Variants in LCORL observed in about 807,000 individuals in gnomAD.
LCORL encodes the protein ligand-dependent nuclear receptor corepressor-like protein.
In LCORL, 41 loss-of-function variants were observed where a neutral mutation model predicts 141.8. The ratio of observed to expected loss-of-function variants is 0.29; its 90% CI spans 0.23 to 0.38. The LOEUF (loss-of-function observed/expected upper bound fraction) is 0.38. LCORL is among the 10% of genes least tolerant of loss of function. The pLI is 1.00. For missense variants in LCORL, 1,759 were observed against 2,035.0 expected (o/e 0.86, Z 2.61); for synonymous variants, 618 against 694.1 (o/e 0.89, Z 1.72).
chr4:17,920,105 A>C (rs1734053267), intron 4 of LCORL, among the ~76,000 whole-genome samples: 1 of 152,212 alleles, frequency 6.6e-6, no homozygotes, highest in African/African-American at 2.4e-5. Context: ...TCTATGAGCC[A>C]TTCCAGCAAA....
chr4:17,881,063 T>C, intron 6 of LCORL: 1 of 980,598 alleles, frequency 1.0e-6, no homozygotes, highest in Non-Finnish European at 1.2e-6. Context: ...GTATACAATT[T>C]AATATAAAAT....
At chr4:17,934,966 A>C (rs537081916) in intron 4 of LCORL, among the ~76,000 whole-genome samples, 1 of 152,306 alleles carries the variant, frequency 6.6e-6, no homozygotes, top group Non-Finnish European at 1.5e-5. Context: ...CCACTATGTA[A>C]CTAACTGCCC....
chr4:18,020,140 T>C (rs1305365809), intron 1 of LCORL, among the ~76,000 whole-genome samples: 1 of 152,222 alleles, frequency 6.6e-6, no homozygotes, highest in Non-Finnish European at 1.5e-5. Flanking sequence ...CATTTTCCTA[T>C]ATTCATCGCG....
intron 4 of LCORL, among the ~76,000 whole-genome samples, chr4:17,933,063 T>C (rs1736299575): frequency 6.6e-6 from 1 of 152,200 alleles, no homozygotes; most frequent in African/African-American, 2.4e-5. Context: ...GATTTTTATC[T>C]TTGTGACTTA....
intron 4 of LCORL, among the ~76,000 whole-genome samples, chr4:17,915,689 C>T (rs139952479): frequency 6.6e-6 from 1 of 152,294 alleles, no homozygotes; most frequent in African/African-American, 2.4e-5. Flanking sequence ...AGTTTCACAA[C>T]ACTATTATCT....
intron 2 of LCORL, among the ~76,000 whole-genome samples, chr4:17,967,862 T>G (rs1715213503): frequency 6.6e-6 from 1 of 151,802 alleles, no homozygotes; most frequent in African/African-American, 2.4e-5. Context: ...TTTTCTTTTC[T>G]TTTCTTTTTT....
intron 7 of LCORL, among the ~76,000 whole-genome samples, chr4:17,872,213 ACTC>A (rs1357453126): frequency 6.6e-5 from 10 of 151,980 alleles, no homozygotes; most frequent in African/African-American, 2.4e-4. Context: ...GTACTTCCAT[ACTC>A]CTCAATATCC....
intron 4 of LCORL, among the ~76,000 whole-genome samples, chr4:17,959,084 T>C (rs1182191984): frequency 6.6e-6 from 1 of 152,092 alleles, no homozygotes. Context: ...ATTTAAGTAA[T>C]ACGCTTCTTC....
chr4:17,991,822 T>C (rs927762715), intron 1 of LCORL, among the ~76,000 whole-genome samples: 21 of 152,274 alleles, frequency 1.4e-4, no homozygotes, highest in Non-Finnish European at 2.9e-5. Flanking sequence ...TCAAATATTT[T>C]CTAATACCCG....
intron 1 of LCORL, among the ~76,000 whole-genome samples, chr4:17,973,856 G>C (rs756475093): frequency 6.6e-5 from 10 of 151,778 alleles, no homozygotes; most frequent in Non-Finnish European, 1.5e-4. Context: ...TAAAAAACTA[G>C]CCACAGTTTT....
exon 7 of LCORL, chr4:17,876,360 T>C: frequency 8.1e-7 from 1 of 1,230,916 alleles, no homozygotes. Flanking sequence ...CATATTTCTG[T>C]CAGCATGTTG....
chr4:18,021,704 G>GGCAGCA lies in LCORL; in HGVS notation c.42_47dup (p.Ala21_Ala22dup). Reference sequence around the variant, plus strand: ...GGCACTGAGCGGCGGCGGCGGCGGCGGCAGCAGCGGCGGCGGCAGCGGCCA... The same window carrying GGCAGCA: ...GGCACTGAGCGGCGGCGGCGGCGGCGGCAGCAGCAGCAGCGGCGGCGGCAGCGGCCA... On this transcript the variant is annotated inframe_insertion, in exon 1 of 8. Coordinates refer to ENST00000635767, the Ensembl canonical transcript of LCORL. This position sits in a 1 kb window ranked among gnomAD's most constrained non-coding sequence, Gnocchi z 5.5. 1 of 1,525,134 alleles carries GGCAGCA rather than the reference G, an allele frequency of 6.6e-7. No individual in the cohort carries two copies. Among genetic ancestry groups the GGCAGCA allele is most frequent in the South Asian group, 1.2e-5 (1 of 81,388 alleles). 94.5% of individuals were successfully genotyped at this position (1,525,134 alleles called of 1,614,324 possible).
intron 4 of LCORL, among the ~76,000 whole-genome samples, chr4:17,941,243 G>T (rs759015878): frequency 1.3e-5 from 2 of 152,112 alleles, no homozygotes; most frequent in African/African-American, 2.4e-5. Flanking sequence ...GGGCATGGTG[G>T]TGGGCACCTA....
chr4:17,999,904 G>T (rs1003016874), intron 1 of LCORL, among the ~76,000 whole-genome samples: 1 of 152,164 alleles, frequency 6.6e-6, no homozygotes, highest in Non-Finnish European at 1.5e-5. Flanking sequence ...AAATAAGGTT[G>T]TTAAATGTCC....
intron 1 of LCORL, among the ~76,000 whole-genome samples, chr4:18,006,205 T>A (rs1722780955): frequency 6.6e-6 from 1 of 152,182 alleles, no homozygotes; most frequent in Admixed American, 6.5e-5. Context: ...CCAGTCTGTT[T>A]GCTAAAACAT....
rs1726468467 is a variant in LCORL, at chr4:17,872,483, A to C, written c.5602+905T>G. ...TCATAGCGCTTTAAGAAAGTTTACA[A>C]ATTTGTGTTGGGTCACACTCAAAGC... is the stretch of plus-strand genomic sequence containing the variant. On this transcript the variant is annotated intron_variant, in intron 7 of 7. Transcript: ENST00000635767. Among the ~76,000 whole-genome samples the C allele has an allele frequency of 2.0e-5, 3 of 152,100 alleles. No individual in the cohort carries two copies. In the South Asian group the frequency reaches 6.2e-4, roughly 31 times the overall value.
At chr4:17,912,169 C>T (rs764638134) in intron 4 of LCORL, 46 of 1,017,802 alleles carry the variant, frequency 4.5e-5, no homozygotes, top group Admixed American at 8.6e-5. Context: ...CGACAATGCC[C>T]GTCTTGCTGC....
At chr4:18,007,346 A>G (rs1047001017) in intron 1 of LCORL, among the ~76,000 whole-genome samples, 1 of 152,226 alleles carries the variant, frequency 6.6e-6, no homozygotes, top group Non-Finnish European at 1.5e-5. Context: ...AATAATTACT[A>G]CTATATCCTG....
chr4:18,007,961 T>G (rs912350439), intron 1 of LCORL, among the ~76,000 whole-genome samples: 1 of 152,114 alleles, frequency 6.6e-6, no homozygotes, highest in Non-Finnish European at 1.5e-5. Flanking sequence ...AAGAGTAGTA[T>G]GTAAAAAAAA....
Sources: allele counts gnomAD v4.1 joint callset (sites outside exome capture counted in the v4.1 genomes callset), GRCh38; gene constraint gnomAD v4.1.1; non-coding constraint Gnocchi (gnomAD v3.1); transcripts MANE v1.5; gene names NCBI Gene and HGNC (gene_info 2026-07-23, HGNC 2026-07-21).